The following TRAPPC9 variants were observed in gnomAD, a reference collection of about 807,000 sequenced individuals.
TRAPPC9 encodes IKK2 binding protein.
Under a neutral mutation model 124.0 loss-of-function variants are expected in TRAPPC9, and 83 were observed. The observed-to-expected ratio is 0.67, with a 90% CI of 0.56 to 0.80. The LOEUF (loss-of-function observed/expected upper bound fraction) is 0.80. Ranked by LOEUF, TRAPPC9 falls within the 30% of genes least tolerant of loss-of-function variation. The probability of loss-of-function intolerance (pLI) is 0.00; values close to 1 mark genes in which losing one functional copy is unlikely to be tolerated. For synonymous variants in TRAPPC9, 638 were observed against 617.5 expected (o/e 1.03, Z -0.49); for missense variants, 1,302 against 1,508.3 (o/e 0.86, Z 2.27).
rs573781266 is a variant in TRAPPC9 at position 140,097,695 on chromosome 8, G to A, written c.2557-73616C>T. The stretch of plus-strand genomic sequence containing the variant: ...CCCCAGCTGTGCCGCTGTCCACAGG[G>A]TAAGAACGCCTGTCTGGGTGGGTCC... On this transcript the variant is annotated intron_variant, in intron 17 of 22. Transcript: ENST00000438773. This position sits in a 1 kb window ranked among gnomAD's most constrained non-coding sequence, Gnocchi z 4.2. The A allele has an allele frequency of 6.6e-6, 1 of 152,330 alleles. No homozygotes were observed. Among genetic ancestry groups the A allele is most frequent in the South Asian group, 2.1e-4 (1 of 4,824 alleles). The allele number at this position is 152,330 out of a possible 1,614,324, so 9.4% of individuals were successfully genotyped here. A position where few individuals can be genotyped will look rare whatever the true frequency, so the allele number is the denominator to read the frequency against.
At chr8:139,753,318 A>ACCATCCAC (rs147020594) in intron 21 of TRAPPC9, among the ~76,000 whole-genome samples, 7 of 143,148 alleles carry the variant, frequency 4.9e-5, no homozygotes, top group Non-Finnish European at 7.6e-5. Context: ...CCATCCATCC[A>ACCATCCAC]CCATCCACCC....
At position 140,104,125 on chromosome 8, in the gene TRAPPC9, G is replaced by C. The variant is rs942661032; in HGVS notation, c.2557-80046C>G. Among the ~76,000 whole-genome samples the C allele has an allele frequency of 1.3e-5, 2 of 152,180 alleles. No homozygotes were observed. Among genetic ancestry groups the C allele is most frequent in the Middle Eastern group, 3.2e-3 (1 of 316 alleles). ...AAGCATTGTACCATATGCCAGGCTG[G>C]AGATGCAGGGATGAAACTGTCTCCT... On this transcript the variant is annotated intron_variant, in intron 17 of 22. Coordinates refer to ENST00000438773, the MANE Select transcript of TRAPPC9 (RefSeq NM_001160372.4). This position sits in a 1 kb window ranked among gnomAD's most constrained non-coding sequence, Gnocchi z 4.0.
intron 21 of TRAPPC9, among the ~76,000 whole-genome samples, chr8:139,820,163 A>G (rs1211454192): frequency 6.6e-6 from 1 of 152,086 alleles, no homozygotes; most frequent in Non-Finnish European, 1.5e-5. Context: ...GGAGAGAGAA[A>G]AAAAATTATC....
At chr8:140,065,327 G>A (rs772174581) in intron 17 of TRAPPC9, among the ~76,000 whole-genome samples, 1 of 152,238 alleles carries the variant, frequency 6.6e-6, no homozygotes, top group Non-Finnish European at 1.5e-5. Flanking sequence ...GGCAAGTGCT[G>A]ATGAAGAGGC....
intron 9 of TRAPPC9, among the ~76,000 whole-genome samples, chr8:140,347,806 T>A (rs1423724955): frequency 6.6e-6 from 1 of 152,244 alleles, no homozygotes; most frequent in African/African-American, 2.4e-5. Context: ...TACATGTATG[T>A]CTCTAGAACT....
intron 21 of TRAPPC9, among the ~76,000 whole-genome samples, chr8:139,845,044 C>T (rs1041016528): frequency 3.3e-5 from 5 of 152,316 alleles, no homozygotes; most frequent in East Asian, 3.9e-4. Context: ...CCGGATTCAT[C>T]GTGGTTTCTT....
chr8:140,307,454 T>C (rs548728190), intron 10 of TRAPPC9, among the ~76,000 whole-genome samples: 1 of 152,268 alleles, frequency 6.6e-6, no homozygotes, highest in African/African-American at 2.4e-5. Flanking sequence ...TATTTACTCA[T>C]TCAACACACA....
chr8:140,363,977 C>T (rs926110580), intron 8 of TRAPPC9, among the ~76,000 whole-genome samples: 2 of 151,992 alleles, frequency 1.3e-5, no homozygotes, highest in Non-Finnish European at 2.9e-5. Context: ...AAAGAGAAAA[C>T]GGCATTCGAT....
chr8:140,429,889 G>A (rs1043678175), intron 4 of TRAPPC9, among the ~76,000 whole-genome samples: 3 of 152,082 alleles, frequency 2.0e-5, no homozygotes, highest in Admixed American at 2.0e-4. Flanking sequence ...GCTCACGCCT[G>A]TAATTCCAGC....
rs201073086 is a variant in TRAPPC9 at position 140,078,911 on chromosome 8, A to G, written c.2557-54832T>C. Among the ~76,000 whole-genome samples, 17 of 152,208 alleles carry G rather than the reference A, an allele frequency of 1.1e-4. No individual in the cohort carries two copies. In the East Asian group the frequency reaches 3.1e-3, roughly 28 times the overall value. On this transcript the variant is annotated intron_variant, in intron 17 of 22. Coordinates refer to ENST00000438773, the MANE Select transcript of TRAPPC9 (RefSeq NM_001160372.4). Reference sequence around the variant, plus strand: ...CCTATCATCTCTCCAGCAACTGTACAGCTTTCCAGTGATATGGTTTGGCTG... The same window carrying G: ...CCTATCATCTCTCCAGCAACTGTACGGCTTTCCAGTGATATGGTTTGGCTG...
chr8:140,001,153 G>A (rs1838368917), intron 18 of TRAPPC9, among the ~76,000 whole-genome samples: 1 of 152,132 alleles, frequency 6.6e-6, no homozygotes, highest in Admixed American at 6.5e-5. Flanking sequence ...AATACCACAT[G>A]TTCTCACTCA....
At chr8:139,980,834 C>A (rs1288688932) in intron 19 of TRAPPC9, among the ~76,000 whole-genome samples, 1 of 152,140 alleles carries the variant, frequency 6.6e-6, no homozygotes, top group Non-Finnish European at 1.5e-5. Context: ...ACACGCCCCC[C>A]ACCTTCCACG....
rs551875118 is a variant in TRAPPC9 at position 140,249,545 on chromosome 8, A to AT, written c.2431+3231dup. ...CTCTCTAGATTCACATTCACACTGT[A>AT]TTTTTTTTCCTTCACCCTATTAAAG... On this transcript the variant is annotated intron_variant, in intron 16 of 22. Transcript: ENST00000438773. Among the ~76,000 whole-genome samples the AT allele has an allele frequency of 1.6e-4, 22 of 137,464 alleles. No individual in the cohort carries two copies. In the South Asian group the frequency reaches 2.0e-3, roughly 13 times the overall value. 90.2% of individuals were successfully genotyped at this position (137,464 alleles called of 152,430 possible). A position where few individuals can be genotyped will look rare whatever the true frequency, so the allele number is the denominator to read the frequency against.
intron 17 of TRAPPC9, among the ~76,000 whole-genome samples, chr8:140,209,185 G>A (rs1331818689): frequency 6.6e-6 from 1 of 152,220 alleles, no homozygotes; most frequent in Admixed American, 6.5e-5. Flanking sequence ...AAAACAACGA[G>A]CAGGAGTCAC....
At chr8:140,418,656 G>A (rs1220418747) in intron 5 of TRAPPC9, among the ~76,000 whole-genome samples, 2 of 152,168 alleles carry the variant, frequency 1.3e-5, no homozygotes, top group African/African-American at 4.8e-5. Flanking sequence ...GGGAGGCAGA[G>A]GTTGCAGTGA....
intron 4 of TRAPPC9, among the ~76,000 whole-genome samples, chr8:140,429,475 A>G (rs2070554256): frequency 6.6e-6 from 1 of 152,182 alleles, no homozygotes; most frequent in Non-Finnish European, 1.5e-5. Context: ...CTCAGTTTCC[A>G]CATCTGTAAA....
At chr8:140,126,655 A>G (rs534572787) in intron 17 of TRAPPC9, among the ~76,000 whole-genome samples, 1 of 152,368 alleles carries the variant, frequency 6.6e-6, no homozygotes, top group East Asian at 1.9e-4. Context: ...TAAATGAAAA[A>G]GAAACATTTA....
chr8:140,337,167 G>A (rs557874785), intron 9 of TRAPPC9, among the ~76,000 whole-genome samples: 28 of 152,222 alleles, frequency 1.8e-4, no homozygotes, highest in Middle Eastern at 3.4e-3. Context: ...ACGCAGCCGC[G>A]GAAGCCCACC....
At position 139,823,552 on chromosome 8, in the gene TRAPPC9, C is replaced by T. The variant is rs547229058; in HGVS notation, c.3055+62327G>A. On this transcript the variant is annotated intron_variant, in intron 21 of 22. Coordinates refer to ENST00000438773, the MANE Select transcript of TRAPPC9 (RefSeq NM_001160372.4). ...CAGGGTCACAGTGACCCACCCAGAC[C>T]AGCAGATGCCCCTGTTTATCCCTGG... Among the ~76,000 whole-genome samples the T allele has an allele frequency of 1.1e-3, 175 of 152,296 alleles. 1 individual carries two copies. Among genetic ancestry groups the T allele is most frequent in the Middle Eastern group, 0.01 (3 of 294 alleles).
Sources: gnomAD v4.1 joint callset for allele counts (sites outside exome capture counted in the v4.1 genomes callset) on GRCh38, gnomAD v4.1.1 for gene constraint, Gnocchi (gnomAD v3.1) non-coding constraint, MANE v1.5 for transcripts, NCBI Gene and HGNC (gene_info 2026-07-23, HGNC 2026-07-21) for gene names.